The following SDK2 variants were observed in gnomAD, a reference collection of about 807,000 sequenced individuals.
SDK2 encodes protein sidekick-2.
In SDK2, 105 loss-of-function variants were observed where a neutral mutation model predicts 253.9. The ratio of observed to expected loss-of-function variants is 0.41; its 90% CI spans 0.35 to 0.49. SDK2 has a LOEUF of 0.49. Ranked by LOEUF, SDK2 falls within the 20% of genes least tolerant of loss-of-function variation. SDK2 has a pLI of 0.06. For synonymous variants in SDK2, 1,249 were observed against 1,234.9 expected, an observed-to-expected ratio of 1.01 and a Z score of -0.24; for missense variants, 2,608 against 3,003.0, an observed-to-expected ratio of 0.87 and a Z score of 3.07.
In SDK2 at chr17:73,398,199, G is replaced by C. The variant is rs768206704; in HGVS notation, c.3204-14C>G. On this transcript the variant is annotated splice_polypyrimidine_tract_variant and intron_variant, in intron 23 of 44. Transcript: ENST00000392650. ...CGCATGCGGAAGCTGGGGTTGGGGA[G>C]AGATGAGCAAGATGGTAAGGGCAGC... 1.9e-6 allele frequency: 3 copies of C among 1,608,514 alleles called. No individual in the cohort carries two copies. Among genetic ancestry groups the C allele is most frequent in the Non-Finnish European group, 2.5e-6 (3 of 1,177,048 alleles).
chr17:73,620,378 A>C (rs1356874108), intron 1 of SDK2, among the ~76,000 whole-genome samples: 2 of 152,240 alleles, frequency 1.3e-5, no homozygotes, highest in Non-Finnish European at 2.9e-5. Flanking sequence ...CAAATGAAAA[A>C]TAACAAGTGT....
At chr17:73,483,072 C>A (rs2063736714) in intron 2 of SDK2, among the ~76,000 whole-genome samples, 1 of 152,096 alleles carries the variant, frequency 6.6e-6, no homozygotes, top group Non-Finnish European at 1.5e-5. Flanking sequence ...CCCATCCGTG[C>A]TCCTGCCCTA....
At chr17:73,569,346 C>A (rs968266251) in intron 1 of SDK2, among the ~76,000 whole-genome samples, 1 of 151,914 alleles carries the variant, frequency 6.6e-6, no homozygotes, top group Non-Finnish European at 1.5e-5. Context: ...TACGGGCGCA[C>A]GCCACCACAC....
chr17:73,503,978 C>T (rs776979181), intron 2 of SDK2, among the ~76,000 whole-genome samples: 4 of 152,138 alleles, frequency 2.6e-5, no homozygotes, highest in Non-Finnish European at 5.9e-5. Flanking sequence ...CACAGCTGAG[C>T]GACTTGGAGG....
intron 3 of SDK2, among the ~76,000 whole-genome samples, chr17:73,464,460 T>A (rs953966791): frequency 6.6e-6 from 1 of 152,220 alleles, no homozygotes. Flanking sequence ...TCTTTCCTTA[T>A]AAATTACCTA....
chr17:73,634,871 T>C (rs8064411), intron 1 of SDK2, among the ~76,000 whole-genome samples: 54,514 of 152,002 alleles, frequency 0.36, 10,001 homozygotes, highest in African/African-American at 0.43. Context: ...ACTGTTATCC[T>C]CGTTTTACAG....
intron 3 of SDK2, among the ~76,000 whole-genome samples, chr17:73,471,120 T>C (rs777590627): frequency 2.0e-5 from 3 of 152,048 alleles, no homozygotes; most frequent in Non-Finnish European, 2.9e-5. Flanking sequence ...CCACAAAGGC[T>C]TGGTGAGGGC....
intron 44 of SDK2, among the ~76,000 whole-genome samples, chr17:73,340,716 T>C (rs1399914525): frequency 6.9e-6 from 1 of 145,832 alleles, no homozygotes. Flanking sequence ...AGAATTTTCA[T>C]GTAATGAAAA....
chr17:73,568,997 C>G (rs573948278), intron 1 of SDK2, among the ~76,000 whole-genome samples: 1 of 152,228 alleles, frequency 6.6e-6, no homozygotes, highest in African/African-American at 2.4e-5. Flanking sequence ...TGTATATTTT[C>G]TTAATTTACA....
At chr17:73,373,300 C>T (rs2062751972) in intron 36 of SDK2, among the ~76,000 whole-genome samples, 1 of 152,224 alleles carries the variant, frequency 6.6e-6, no homozygotes, top group African/African-American at 2.4e-5. Flanking sequence ...ATCTTGGCTA[C>T]TGTGAATGAT....
At chr17:73,522,832 C>T (rs140017165) in intron 1 of SDK2, among the ~76,000 whole-genome samples, 280 of 152,340 alleles carry the variant, frequency 1.8e-3, no homozygotes, top group Middle Eastern at 0.01. Context: ...CTGAGCATCT[C>T]CATGGTGCCA....
chr17:73,338,152 A>C lies in SDK2; in HGVS notation c.*435T>G. On this transcript the variant is annotated 3_prime_UTR_variant, in exon 45 of 45. Transcript: ENST00000392650. The surrounding 1 kb of genome is among the most constrained non-coding windows in gnomAD (Gnocchi z 5.0). ...CATTCTTTTTGCAGAGAGCAGCGGC[A>C]GTGGGTCCAGGGGTCCTGGAGGGGC... The C allele has an allele frequency of 3.4e-6, 1 of 290,504 alleles. No homozygotes were observed. The highest frequency in any genetic ancestry group is 6.8e-6 in the Non-Finnish European group (1 of 146,920). The allele number at this position is 290,504 out of a possible 1,614,324, so 18.0% of individuals were successfully genotyped here. A position where few individuals can be genotyped will look rare whatever the true frequency, so the allele number is the denominator to read the frequency against.
chr17:73,549,230 G>T (rs992556063), intron 1 of SDK2, among the ~76,000 whole-genome samples: 1 of 152,206 alleles, frequency 6.6e-6, no homozygotes, highest in Non-Finnish European at 1.5e-5. Context: ...AAGGAGAGAG[G>T]AGTGGGAAGA....
At chr17:73,437,689 G>A in intron 8 of SDK2, 50 bp downstream of exon 8, 1 of 1,419,482 alleles carries the variant, frequency 7.0e-7, no homozygotes, top group Non-Finnish European at 1.0e-6. Context: ...GGATGGGAGA[G>A]GCTGAAGATC....
intron 2 of SDK2, among the ~76,000 whole-genome samples, chr17:73,490,459 G>A (rs1335172004): frequency 1.3e-5 from 2 of 150,868 alleles, no homozygotes; most frequent in East Asian, 3.9e-4. Context: ...ATCTCTCTGT[G>A]CCTCCATTTC....
chr17:73,418,103 G>A (rs1372216306), intron 16 of SDK2, among the ~76,000 whole-genome samples: 1 of 148,050 alleles, frequency 6.8e-6, no homozygotes, highest in Non-Finnish European at 1.5e-5. Context: ...TGCCTCCTGG[G>A]TTCAAGTGAT....
At chr17:73,589,627 C>A (rs2045654571) in intron 1 of SDK2, among the ~76,000 whole-genome samples, 1 of 152,256 alleles carries the variant, frequency 6.6e-6, no homozygotes, top group Non-Finnish European at 1.5e-5. Flanking sequence ...CAGACAGGCA[C>A]TCTGCGTCAC....
chr17:73,340,946 G>A (rs1020639678), intron 44 of SDK2, among the ~76,000 whole-genome samples: 2 of 151,324 alleles, frequency 1.3e-5, no homozygotes, highest in East Asian at 1.9e-4. Context: ...GTTTCGCCAT[G>A]TTGGTCAAGC....
At chr17:73,408,804 G>T (rs994066396) in intron 18 of SDK2, among the ~76,000 whole-genome samples, 10 of 152,208 alleles carry the variant, frequency 6.6e-5, no homozygotes, top group Non-Finnish European at 1.2e-4. Context: ...CTGCAATTGT[G>T]TGAACTTCAT....
Sources: gnomAD v4.1 joint callset for allele counts (sites outside exome capture counted in the v4.1 genomes callset) on GRCh38, gnomAD v4.1.1 for gene constraint, Gnocchi (gnomAD v3.1) non-coding constraint, MANE v1.5 for transcripts, NCBI Gene and HGNC (gene_info 2026-07-23, HGNC 2026-07-21) for gene names.